Variants in AKAP13 observed in about 807,000 individuals in gnomAD.
AKAP13 encodes the protein A-kinase anchoring protein 13.
AKAP13 carries 80 observed loss-of-function variants against 264.5 expected under a neutral mutation model. The observed-to-expected ratio is 0.30, with a 90% CI of 0.25 to 0.36. AKAP13 has a LOEUF of 0.36. AKAP13 is among the 10% of genes least tolerant of loss of function. The probability of loss-of-function intolerance (pLI) is 1.00; values close to 1 mark genes in which losing one functional copy is unlikely to be tolerated. For synonymous variants in AKAP13, 1,380 were observed against 1,250.2 expected (o/e 1.10, Z -2.19); for missense variants, 3,712 against 3,435.2 (o/e 1.08, Z -2.01).
At chr15:85,660,352 C>CAAAAAAAAA (rs35636118) in intron 12 of AKAP13, among the ~76,000 whole-genome samples, 1 of 68,546 alleles carries the variant, frequency 1.5e-5, no homozygotes, top group Non-Finnish European at 2.6e-5. Flanking sequence ...ATCTAAGTCT[C>CAAAAAAAAA]AAAAAAAAAA....
intron 8 of AKAP13, among the ~76,000 whole-genome samples, chr15:85,605,403 A>G (rs1046307958): frequency 1.3e-5 from 2 of 152,168 alleles, no homozygotes; most frequent in Non-Finnish European, 2.9e-5. Flanking sequence ...GTTCTCACTT[A>G]TAAGGGGGAG....
At chr15:85,399,535 A>AAAAAAAAAAAAAAAAT (rs1567038735) in intron 1 of AKAP13, among the ~76,000 whole-genome samples, 3 of 105,596 alleles carry the variant, frequency 2.8e-5, no homozygotes, top group African/African-American at 8.1e-5. Context: ...AAAAAATAAA[A>AAAAAAAAAAAAAAAAT]AAATAAATAA....
At position 85,655,504 on chromosome 15, in the gene AKAP13, G is replaced by A. The variant is rs1325037087; in HGVS notation, c.4462G>A (p.Gly1488Ser). Reference sequence around the variant, plus strand: ...TTCACTGGACCGACATTCTTCTCATGGCAGTGATGTGTCTCTCTCCCAGAT... The same window carrying A: ...TTCACTGGACCGACATTCTTCTCATAGCAGTGATGTGTCTCTCTCCCAGAT... ...TASLDRHSSH[G>S]SDVSLSQILK... The change falls in exon 11 of 37, where the codon GGC (glycine) becomes AGC (serine). Residue 1488 changes from glycine to serine, a missense_variant. Gly to Ser is a moderately conservative substitution (Grantham distance 56). Transcript: ENST00000394518. 6.2e-7 allele frequency: 1 copy of A among 1,614,194 alleles called. No homozygotes were observed. The highest frequency in any genetic ancestry group is 1.1e-5 in the South Asian group (1 of 91,084).
chr15:85,593,280 C>G (rs892703286), intron 8 of AKAP13, among the ~76,000 whole-genome samples: 2 of 152,074 alleles, frequency 1.3e-5, no homozygotes, highest in Admixed American at 6.5e-5. Flanking sequence ...CCACTGCCCT[C>G]CAGCCTGGAA....
intron 21 of AKAP13, 96 bp from the exon 22 acceptor site, chr15:85,717,911 C>CT: frequency 8.1e-7 from 1 of 1,234,014 alleles, no homozygotes; most frequent in Non-Finnish European, 1.1e-6. Flanking sequence ...ATTCATGTGT[C>CT]TTATGAAATC....
intron 23 of AKAP13, among the ~76,000 whole-genome samples, chr15:85,721,007 A>AAC (rs2087248693): frequency 6.6e-6 from 1 of 152,188 alleles, no homozygotes; most frequent in Non-Finnish European, 1.5e-5. Context: ...TTCCTCCTGA[A>AAC]ACATCCCCTT....
At chr15:85,587,273 A>G (rs4843078) in intron 8 of AKAP13, among the ~76,000 whole-genome samples, 29,999 of 152,210 alleles carry the variant, frequency 0.2, 3,347 homozygotes, top group East Asian at 0.35. Flanking sequence ...TAAACTGCCC[A>G]TTCCAGAACT....
At chr15:85,625,129 G>A (rs12442100) in intron 8 of AKAP13, among the ~76,000 whole-genome samples, 22,312 of 152,124 alleles carry the variant, frequency 0.15, 2,258 homozygotes, top group African/African-American at 0.27. Flanking sequence ...TCTAAAAGAT[G>A]TAGATGTTTA....
chr15:85,444,629 A>G (rs2073837114), intron 1 of AKAP13, among the ~76,000 whole-genome samples: 1 of 152,214 alleles, frequency 6.6e-6, no homozygotes, highest in South Asian at 2.1e-4. Context: ...TAATCTTTTT[A>G]GAATGTCTAA....
chr15:85,489,994 G>A (rs576659692), intron 2 of AKAP13, among the ~76,000 whole-genome samples: 1 of 152,308 alleles, frequency 6.6e-6, no homozygotes, highest in Admixed American at 6.5e-5. Flanking sequence ...CTTTATGTTA[G>A]GCAAGCTAGT....
rs748485090 is a variant in AKAP13, at chr15:85,742,923, A to G, written c.8059-569A>G. ...AATGCCATGTGTTGCTTTTTATGAC[A>G]TAAGGAGGGATTCCACCCCCATCCC... is the stretch of plus-strand genomic sequence containing the variant. On this transcript the variant is annotated intron_variant, in intron 35 of 36. Coordinates refer to ENST00000394518, the MANE Select transcript of AKAP13 (RefSeq NM_007200.5). Among the ~76,000 whole-genome samples the G allele has an allele frequency of 2.0e-5, 3 of 151,792 alleles. No individual in the cohort carries two copies. In the South Asian group the frequency reaches 6.2e-4, roughly 31 times the overall value.
intron 1 of AKAP13, among the ~76,000 whole-genome samples, chr15:85,444,676 G>C (rs1236790618): frequency 6.6e-6 from 1 of 152,192 alleles, no homozygotes; most frequent in Non-Finnish European, 1.5e-5. Flanking sequence ...TTTTTCAGAA[G>C]ACATGGCCAC....
chr15:85,645,489 G>A (rs2082513492), intron 9 of AKAP13, among the ~76,000 whole-genome samples: 1 of 152,202 alleles, frequency 6.6e-6, no homozygotes, highest in African/African-American at 2.4e-5. Context: ...CATGAGGAAA[G>A]CATTACCATT....
intron 2 of AKAP13, among the ~76,000 whole-genome samples, chr15:85,493,080 T>C (rs923395148): frequency 3.9e-5 from 6 of 152,218 alleles, no homozygotes; most frequent in African/African-American, 1.4e-4. Context: ...CCCTTGAATA[T>C]AGGCGAAAGG....
At chr15:85,647,948 A>T (rs2082631152) in intron 10 of AKAP13, among the ~76,000 whole-genome samples, 1 of 152,094 alleles carries the variant, frequency 6.6e-6, no homozygotes, top group Non-Finnish European at 1.5e-5. Flanking sequence ...AAAACAAAAC[A>T]AAAAAAACTC....
intron 2 of AKAP13, among the ~76,000 whole-genome samples, chr15:85,500,203 T>C (rs2076003609): frequency 6.6e-6 from 1 of 152,164 alleles, no homozygotes. Flanking sequence ...GTAGAGCCTC[T>C]AAGAGGTGCT....
chr15:85,482,959 A>G (rs189319818), intron 1 of AKAP13, among the ~76,000 whole-genome samples: 101 of 152,276 alleles, frequency 6.6e-4, no homozygotes, highest in Non-Finnish European at 1.1e-3. Context: ...GACCAGTGTG[A>G]GGGACAGACA....
rs188642452 is a variant in AKAP13, at chr15:85,464,273, G to A, written c.-11-21437G>A. Among the ~76,000 whole-genome samples the A allele has an allele frequency of 3.5e-4, 53 of 152,230 alleles. 1 individual carries two copies. The highest frequency in any genetic ancestry group is 6.6e-4 in the Non-Finnish European group (45 of 68,028). ...TAGTATGTGTTAAAAATAGTTGTTA[G>A]AAGTCCAGTTACAGATTTTGGAAGG... On this transcript the variant is annotated intron_variant, in intron 1 of 36. Transcript: ENST00000394518.
intron 8 of AKAP13, among the ~76,000 whole-genome samples, chr15:85,625,970 TACTTTATAGTAAGC>T (rs1216275960): frequency 6.6e-6 from 1 of 152,264 alleles, no homozygotes; most frequent in East Asian, 1.9e-4. Context: ...TTAAGCAGCT[TACTTTATAGTAAGC>T]ACAATATTCT....
Sources: allele counts gnomAD v4.1 joint callset (sites outside exome capture counted in the v4.1 genomes callset), GRCh38; gene constraint gnomAD v4.1.1; transcripts MANE v1.5; gene names NCBI Gene and HGNC (gene_info 2026-07-23, HGNC 2026-07-21).